ICA1: variants seen among roughly 807,000 people sequenced by gnomAD.
ICA1 encodes the protein 69 kDa islet cell autoantigen.
ICA1 carries 40 observed loss-of-function variants against 71.0 expected under a neutral mutation model. The observed-to-expected ratio is 0.56, with a 90% CI of 0.44 to 0.73. ICA1 has a LOEUF of 0.73. Ranked by LOEUF, ICA1 falls within the 30% of genes least tolerant of loss-of-function variation. ICA1 has a pLI of 0.00. For missense variants in ICA1, 578 were observed against 576.5 expected (o/e 1.00, Z -0.03); for synonymous variants, 207 against 209.5 (o/e 0.99, Z 0.10).
chr7:8,221,778 G>C (rs1797175974), intron 4 of ICA1, among the ~76,000 whole-genome samples: 1 of 152,170 alleles, frequency 6.6e-6, no homozygotes, highest in African/African-American at 2.4e-5. Flanking sequence ...AGTGCTAGCT[G>C]CCTCTCATTA....
intron 3 of ICA1, among the ~76,000 whole-genome samples, chr7:8,230,426 A>G (rs548046252): frequency 2.0e-5 from 3 of 152,294 alleles, no homozygotes; most frequent in East Asian, 3.9e-4. Context: ...TCATTTTTGT[A>G]TATTTCATGG....
chr7:8,225,094 C>T (rs1432016334), intron 4 of ICA1, among the ~76,000 whole-genome samples: 1 of 152,204 alleles, frequency 6.6e-6, no homozygotes, highest in Non-Finnish European at 1.5e-5. Context: ...CGGGGGAATA[C>T]ATGAGACAAT....
chr7:8,246,804 T>A (rs1196658159), intron 1 of ICA1, among the ~76,000 whole-genome samples: 1 of 152,238 alleles, frequency 6.6e-6, no homozygotes. Context: ...TGGAGTATAG[T>A]GGTGCGATCT....
intron 8 of ICA1, among the ~76,000 whole-genome samples, chr7:8,148,337 C>T (rs6958145): frequency 0.88 from 133,872 of 152,112 alleles, 59,515 homozygotes; most frequent in East Asian, 1. Context: ...TAATTTAACC[C>T]ACTACTGTTC....
intron 6 of ICA1, among the ~76,000 whole-genome samples, chr7:8,174,769 A>C (rs1198636179): frequency 9.7e-6 from 1 of 103,306 alleles, no homozygotes; most frequent in African/African-American, 3.4e-5. Context: ...AAAAAAAAAA[A>C]AAAAAAAAAA....
intron 8 of ICA1, chr7:8,156,769 C>T: frequency 1.4e-6 from 2 of 1,416,214 alleles, no homozygotes; most frequent in South Asian, 3.2e-5. Flanking sequence ...GTACAATCTC[C>T]CCTTTAGCAA....
At chr7:8,185,546 G>T (rs1783637218) in intron 6 of ICA1, among the ~76,000 whole-genome samples, 1 of 152,178 alleles carries the variant, frequency 6.6e-6, no homozygotes, top group Admixed American at 6.5e-5. Context: ...TCAGAAACTG[G>T]GATGGGGCAC....
At chr7:8,191,762 A>G (rs1362738040) in intron 6 of ICA1, among the ~76,000 whole-genome samples, 1 of 151,990 alleles carries the variant, frequency 6.6e-6, no homozygotes, top group Non-Finnish European at 1.5e-5. Context: ...ATAAACCTCT[A>G]CTAATGTCAC....
rs142231261 is a variant in ICA1, at chr7:8,227,173, G to C, written c.256+1428C>G. Among the ~76,000 whole-genome samples, 1,296 of 152,280 alleles carry C rather than the reference G, an allele frequency of 8.5e-3. 16 individuals carry two copies. The highest frequency in any genetic ancestry group is 0.03 in the African/African-American group (1,242 of 41,554). Reference sequence around the variant, plus strand: ...ATAGTAAGAAGGAGTTTGACCAATAGTTTCCAGAACACAAGGTTTAAGCCA... The same window carrying C: ...ATAGTAAGAAGGAGTTTGACCAATACTTTCCAGAACACAAGGTTTAAGCCA... On this transcript the variant is annotated intron_variant, in intron 4 of 13. Transcript: ENST00000402384.
chr7:8,240,121 C>T (rs1803268676), intron 1 of ICA1, among the ~76,000 whole-genome samples: 1 of 152,238 alleles, frequency 6.6e-6, no homozygotes, highest in African/African-American at 2.4e-5. Flanking sequence ...TGTAGCCTAA[C>T]TGGGAGACAC....
chr7:8,191,573 G>C (rs1648218895), intron 6 of ICA1, among the ~76,000 whole-genome samples: 1 of 152,146 alleles, frequency 6.6e-6, no homozygotes, highest in African/African-American at 2.4e-5. Flanking sequence ...AAGCTATGCT[G>C]TTTGGTAGGT....
chr7:8,210,620 C>T (rs1158105581), intron 6 of ICA1, among the ~76,000 whole-genome samples: 1 of 140,460 alleles, frequency 7.1e-6, no homozygotes, highest in East Asian at 2.1e-4. Flanking sequence ...TTCAAAGACT[C>T]CATCCAACTA....
chr7:8,138,778 T>A (rs1794220863), intron 12 of ICA1, 62 bp downstream of exon 12: 2 of 1,290,072 alleles, frequency 1.6e-6, no homozygotes, highest in Admixed American at 3.9e-5. Context: ...CTTTCTTACA[T>A]GTAAAAGAGT....
At chr7:8,213,869 G>T (rs1438478370) in intron 6 of ICA1, among the ~76,000 whole-genome samples, 1 of 145,194 alleles carries the variant, frequency 6.9e-6, no homozygotes, top group Non-Finnish European at 1.5e-5. Context: ...AATATGATTA[G>T]TGCATGAACA....
rs746537749 is a variant in ICA1, at chr7:8,138,944, C to G, written c.1018+41G>C. ...GTTTCATTTTGTGAGGAGTTTGAGT[C>G]AAATAATTAAAATTGAGTAGTTTTC... On this transcript the variant is annotated intron_variant, in intron 11 of 13. Transcript: ENST00000402384. 4.4e-6 allele frequency: 7 copies of G among 1,600,862 alleles called. No individual in the cohort carries two copies. In the East Asian group the frequency reaches 1.3e-4, roughly 31 times the overall value.
chr7:8,128,167 A>C (rs761346461), intron 12 of ICA1, 25 bp from the exon 13 acceptor site: 3 of 1,606,974 alleles, frequency 1.9e-6, no homozygotes, highest in Non-Finnish European at 2.6e-6. Flanking sequence ...AGAGAACAAA[A>C]CGTCACCACG....
intron 6 of ICA1, among the ~76,000 whole-genome samples, chr7:8,191,571 C>T (rs1217508689): frequency 6.6e-6 from 1 of 152,094 alleles, no homozygotes; most frequent in Non-Finnish European, 1.5e-5. Flanking sequence ...GTAAGCTATG[C>T]TGTTTGGTAG....
chr7:8,246,781 C>G (rs189113422), intron 1 of ICA1, among the ~76,000 whole-genome samples: 1 of 152,262 alleles, frequency 6.6e-6, no homozygotes. Flanking sequence ...GAGTCTCGCT[C>G]TGTCACCCAG....
chr7:8,176,347 C>T (rs939422868), intron 6 of ICA1, among the ~76,000 whole-genome samples: 3 of 152,192 alleles, frequency 2.0e-5, no homozygotes, highest in Non-Finnish European at 2.9e-5. Context: ...TTTAAGTTTC[C>T]GCTTAAGGGT....
Sources: allele counts gnomAD v4.1 joint callset (sites outside exome capture counted in the v4.1 genomes callset), GRCh38; gene constraint gnomAD v4.1.1; transcripts MANE v1.5; gene names NCBI Gene and HGNC (gene_info 2026-07-23, HGNC 2026-07-21).